The following ROBO2 variants were observed in gnomAD, a reference collection of about 807,000 sequenced individuals.
The protein encoded by ROBO2 is roundabout homolog 2.
ROBO2 carries 53 observed loss-of-function variants against 160.8 expected under a neutral mutation model. That is an observed-to-expected ratio of 0.33 (90% CI 0.26 to 0.41). ROBO2 has a LOEUF of 0.41. Ranked by LOEUF, ROBO2 falls within the 10% of genes least tolerant of loss-of-function variation. The probability of loss-of-function intolerance (pLI) is 1.00; values close to 1 mark genes in which losing one functional copy is unlikely to be tolerated. For missense variants in ROBO2, 1,577 were observed against 1,722.4 expected, an observed-to-expected ratio of 0.92 and a Z score of 1.49; for synonymous variants, 664 against 611.7, an observed-to-expected ratio of 1.09 and a Z score of -1.26.
intron 2 of ROBO2, among the ~76,000 whole-genome samples, chr3:76,037,198 C>T (rs909294154): frequency 2.6e-5 from 4 of 151,798 alleles, no homozygotes; most frequent in African/African-American, 9.7e-5. Context: ...CTATGTTGCC[C>T]ATACTGTATT....
At chr3:77,614,597 A>G (rs147625760) in intron 21 of ROBO2, among the ~76,000 whole-genome samples, 1 of 152,304 alleles carries the variant, frequency 6.6e-6, no homozygotes, top group African/African-American at 2.4e-5. Flanking sequence ...TAAAATGGCC[A>G]TGGAAATGAA....
At chr3:76,914,662 A>G (rs2076200276) in intron 2 of ROBO2, among the ~76,000 whole-genome samples, 1 of 152,172 alleles carries the variant, frequency 6.6e-6, no homozygotes, top group Non-Finnish European at 1.5e-5. Context: ...ACAAATTTAT[A>G]CAACATTGCA....
chr3:77,617,689 C>T, exon 22 of ROBO2: 3 of 1,614,046 alleles, frequency 1.9e-6, no homozygotes, highest in Non-Finnish European at 2.5e-6. Context: ...ACTCCATCCC[C>T]ACGGGAAGAG....
At chr3:76,904,028 A>G (rs2075421814) in intron 2 of ROBO2, among the ~76,000 whole-genome samples, 1 of 152,162 alleles carries the variant, frequency 6.6e-6, no homozygotes, top group Non-Finnish European at 1.5e-5. Flanking sequence ...TATTACCTTC[A>G]CAAAAAAAGT....
At chr3:77,579,886 A>C in intron 15 of ROBO2, 61 bp from the exon 17 acceptor site, 1 of 1,400,738 alleles carries the variant, frequency 7.1e-7, no homozygotes, top group Non-Finnish European at 1.0e-6. Flanking sequence ...CAGTTACAGT[A>C]GTCTCGTTAC....
intron 2 of ROBO2, chr3:76,435,096 A>C: frequency 6.0e-6 from 6 of 1,002,678 alleles, no homozygotes; most frequent in Non-Finnish European, 8.0e-6. Flanking sequence ...AATCAAGGGC[A>C]AAATGAACTC....
chr3:77,364,180 A>C (rs1025930206), intron 2 of ROBO2, among the ~76,000 whole-genome samples: 1 of 152,010 alleles, frequency 6.6e-6, no homozygotes, highest in African/African-American at 2.4e-5. Context: ...CTTCCCTGCT[A>C]TATGTCTTAT....
chr3:77,558,642 T>A (rs993216748), intron 9 of ROBO2, among the ~76,000 whole-genome samples: 1 of 152,086 alleles, frequency 6.6e-6, no homozygotes, highest in African/African-American at 2.4e-5. Context: ...AGTTGTTGTG[T>A]AGTTTAGATT....
At chr3:77,221,468 G>C (rs1183205077) in intron 2 of ROBO2, among the ~76,000 whole-genome samples, 1 of 152,124 alleles carries the variant, frequency 6.6e-6, no homozygotes, top group Non-Finnish European at 1.5e-5. Context: ...GCTAATATTG[G>C]GATTCAGGCT....
chr3:77,503,114 GGATA>G (rs1247225230), intron 5 of ROBO2, among the ~76,000 whole-genome samples: 1 of 151,834 alleles, frequency 6.6e-6, no homozygotes, highest in African/African-American at 2.4e-5. Flanking sequence ...TTGAGGGGAT[GGATA>G]GATACCCCAT....
At chr3:76,239,360 G>GTATA (rs4054003) in intron 2 of ROBO2, among the ~76,000 whole-genome samples, 55,031 of 149,946 alleles carry the variant, frequency 0.37, 11,728 homozygotes, top group Non-Finnish European at 0.46. Context: ...ATACGTATAT[G>GTATA]TATATATATA....
intron 2 of ROBO2, among the ~76,000 whole-genome samples, chr3:76,208,199 T>C (rs1281495355): frequency 6.6e-6 from 1 of 152,084 alleles, no homozygotes; most frequent in Admixed American, 6.6e-5. Flanking sequence ...AATCACCCAG[T>C]CTCAGGTATT....
At chr3:76,463,220 G>A (rs940145936) in intron 2 of ROBO2, among the ~76,000 whole-genome samples, 4 of 151,944 alleles carry the variant, frequency 2.6e-5, no homozygotes, top group African/African-American at 9.7e-5. Flanking sequence ...TGTGCACCCC[G>A]GGCCACTCAC....
intron 2 of ROBO2, among the ~76,000 whole-genome samples, chr3:77,463,149 A>G (rs964094907): frequency 3.9e-5 from 6 of 152,210 alleles, no homozygotes; most frequent in Non-Finnish European, 8.8e-5. Context: ...CAACATGTGC[A>G]GTACATACTT....
chr3:76,078,479 C>T (rs1235809942), intron 2 of ROBO2, among the ~76,000 whole-genome samples: 2 of 152,114 alleles, frequency 1.3e-5, no homozygotes, highest in Non-Finnish European at 2.9e-5. Flanking sequence ...AATCCTCCTG[C>T]CTCAGCTTCC....
intron 2 of ROBO2, among the ~76,000 whole-genome samples, chr3:75,938,754 A>C (rs1362363903): frequency 6.6e-6 from 1 of 152,174 alleles, no homozygotes; most frequent in Non-Finnish European, 1.5e-5. Flanking sequence ...CCACAAATGC[A>C]TGTGTGCCTT....
At chr3:76,582,448 T>C (rs2085761453) in intron 2 of ROBO2, among the ~76,000 whole-genome samples, 1 of 152,140 alleles carries the variant, frequency 6.6e-6, no homozygotes, top group Non-Finnish European at 1.5e-5. Flanking sequence ...CAATGTATTT[T>C]TTAATTGAAA....
intron 2 of ROBO2, among the ~76,000 whole-genome samples, chr3:76,383,848 T>C (rs190394454): frequency 6.6e-6 from 1 of 152,244 alleles, no homozygotes; most frequent in Non-Finnish European, 1.5e-5. Flanking sequence ...TTGTGAACTC[T>C]ATGTAAGGTT....
intron 1 of ROBO2, among the ~76,000 whole-genome samples, chr3:77,044,272 G>C (rs1425394803): frequency 6.6e-6 from 1 of 152,096 alleles, no homozygotes; most frequent in Non-Finnish European, 1.5e-5. Flanking sequence ...AGATATGTAA[G>C]CACATTGTAT....
Sources: allele counts gnomAD v4.1 joint callset (sites outside exome capture counted in the v4.1 genomes callset), GRCh38; gene constraint gnomAD v4.1.1; transcripts MANE v1.5; gene names NCBI Gene and HGNC (gene_info 2026-07-23, HGNC 2026-07-21).